The following PVT1 variants were observed in gnomAD, a reference collection of about 807,000 sequenced individuals.
PVT1 encodes the protein CXCR4/PVT1 fusion.
intron 4 of PVT1, among the ~76,000 whole-genome samples, chr8:128,021,311 T>TTTTTTTTTTTTTTTTTTTTG (rs1817432063): frequency 6.7e-6 from 1 of 148,244 alleles, no homozygotes; most frequent in African/African-American, 2.5e-5. Context: ...TTTTTTTTTT[T>TTTTTTTTTTTTTTTTTTTTG]GAGACGGAGT....
At chr8:128,048,638 C>T (rs1326105470) in intron 4 of PVT1, 2 of 152,308 alleles carry the variant, frequency 1.3e-5, no homozygotes, top group Non-Finnish European at 2.9e-5. Flanking sequence ...GGTTTGGGTC[C>T]TCGCTCCAGC....
chr8:128,072,745 A>C (rs1022068382), intron 5 of PVT1, among the ~76,000 whole-genome samples: 3 of 152,210 alleles, frequency 2.0e-5, no homozygotes, highest in Non-Finnish European at 4.4e-5. Context: ...TTTGGGGAAA[A>C]ATAAATCAGG....
chr8:127,986,928 A>C (rs2392884), intron 3 of PVT1, among the ~76,000 whole-genome samples: 127,375 of 152,200 alleles, frequency 0.84, 53,380 homozygotes, highest in South Asian at 0.9. Context: ...TTGCAACCCC[A>C]TCTCCCCAGC....
At chr8:127,882,451 G>A (rs747602433) in intron 2 of PVT1, among the ~76,000 whole-genome samples, 36 of 152,070 alleles carry the variant, frequency 2.4e-4, no homozygotes, top group Non-Finnish European at 4.7e-4. Flanking sequence ...GAAGATAAAG[G>A]AGACATCGTC....
intron 4 of PVT1, among the ~76,000 whole-genome samples, chr8:128,031,313 G>A (rs1813384319): frequency 1.3e-5 from 2 of 152,236 alleles, no homozygotes; most frequent in South Asian, 2.1e-4. Context: ...GCCCAGCCAA[G>A]GGCATTGTAG....
At chr8:127,840,174 G>A (rs1174296360) in intron 2 of PVT1, among the ~76,000 whole-genome samples, 2 of 152,218 alleles carry the variant, frequency 1.3e-5, no homozygotes, top group Non-Finnish European at 2.9e-5. Flanking sequence ...GGAAGGAGCA[G>A]GAAGCCAGTG....
intron 3 of PVT1, among the ~76,000 whole-genome samples, chr8:127,916,036 A>G (rs1030632883): frequency 2.6e-5 from 4 of 152,224 alleles, no homozygotes; most frequent in African/African-American, 9.6e-5. Context: ...TCCCACTTAC[A>G]GGGGGGCAAA....
At chr8:127,835,747 G>A (rs1814902571) in intron 2 of PVT1, among the ~76,000 whole-genome samples, 2 of 152,168 alleles carry the variant, frequency 1.3e-5, no homozygotes, top group Admixed American at 6.5e-5. Context: ...CAGTGAGTGA[G>A]TTCTCCATCA....
chr8:127,932,212 A>G (rs1160956824), intron 3 of PVT1, among the ~76,000 whole-genome samples: 1 of 152,182 alleles, frequency 6.6e-6, no homozygotes, highest in Non-Finnish European at 1.5e-5. Flanking sequence ...AGGCCCAGCC[A>G]TGGGTATAAG....
At chr8:128,011,222 A>G (rs918476796) in intron 4 of PVT1, among the ~76,000 whole-genome samples, 2 of 152,158 alleles carry the variant, frequency 1.3e-5, no homozygotes, top group Non-Finnish European at 2.9e-5. Context: ...TACTTAGTCA[A>G]TGTCTCAATC....
In PVT1 at chr8:127,898,212, AAAAG is replaced by A. The variant is rs1316850602; in HGVS notation, n.782+7222_782+7225del. On this transcript the variant is annotated intron_variant and non_coding_transcript_variant, in intron 3 of 10. Transcript: ENST00000651587. The surrounding 1 kb of genome is among the most constrained non-coding windows in gnomAD (Gnocchi z 4.4). Reference sequence around the variant, plus strand: ...TTGTACCTGCGTGAAGAAAGAAGAGAAAAGAAAGAAAAGAAAGAAAGAAAGAAAG... The same window carrying A: ...TTGTACCTGCGTGAAGAAAGAAGAGAAAAGAAAAGAAAGAAAGAAAGAAAG... 6.6e-5 allele frequency among the ~76,000 whole-genome samples: 10 copies of A among 151,364 alleles called. No individual in the cohort carries two copies. Among genetic ancestry groups the A allele is most frequent in the African/African-American group, 1.5e-4 (6 of 40,800 alleles).
intron 5 of PVT1, among the ~76,000 whole-genome samples, chr8:128,092,941 G>C (rs566346439): frequency 3.3e-5 from 5 of 152,006 alleles, no homozygotes; most frequent in African/African-American, 1.2e-4. Flanking sequence ...TTCTTGCTGC[G>C]CACGGTGCCC....
intron 3 of PVT1, among the ~76,000 whole-genome samples, chr8:127,952,770 A>T (rs1280657126): frequency 5.4e-5 from 8 of 148,656 alleles, no homozygotes; most frequent in Non-Finnish European, 3.0e-5. Context: ...TTGTGCCTGC[A>T]TTTTTTTTTT....
chr8:127,933,905 T>C (rs1365964308), intron 3 of PVT1, among the ~76,000 whole-genome samples: 1 of 152,228 alleles, frequency 6.6e-6, no homozygotes, highest in Non-Finnish European at 1.5e-5. Context: ...TTTGAGCCTC[T>C]AAAGTGAGAC....
intron 3 of PVT1, among the ~76,000 whole-genome samples, chr8:127,918,397 G>A (rs1057033123): frequency 1.2e-4 from 18 of 152,166 alleles, no homozygotes; most frequent in African/African-American, 4.3e-4. Flanking sequence ...GGTGAATGGA[G>A]GGCATCCTTT....
intron 2 of PVT1, among the ~76,000 whole-genome samples, chr8:127,829,576 A>G (rs1586397183): frequency 6.6e-6 from 1 of 152,142 alleles, no homozygotes; most frequent in African/African-American, 2.4e-5. Context: ...GCCCAATGTA[A>G]AGAAAGCGCT....
chr8:127,874,993 C>T (rs949776142), intron 2 of PVT1, among the ~76,000 whole-genome samples: 1 of 152,042 alleles, frequency 6.6e-6, no homozygotes, highest in Non-Finnish European at 1.5e-5. Context: ...TGCCCTTTCA[C>T]CATGCGTGCT....
intron 3 of PVT1, among the ~76,000 whole-genome samples, chr8:127,900,904 G>A (rs73707112): frequency 0.015 from 2,271 of 152,288 alleles, 63 homozygotes; most frequent in African/African-American, 0.052. Flanking sequence ...CAGTCAGCAT[G>A]CCCCACACCA....
At position 127,995,848 on chromosome 8, in the gene PVT1, G is replaced by A. The variant is rs1222153116; in HGVS notation, n.912+6557G>A. Among the ~76,000 whole-genome samples, 6 of 152,128 alleles carry A rather than the reference G, an allele frequency of 3.9e-5. No individual in the cohort carries two copies. The South Asian group carries it at 8.3e-4, about 21-fold the overall frequency. On this transcript the variant is annotated intron_variant and non_coding_transcript_variant, in intron 4 of 10. Transcript: ENST00000651587. Reference sequence around the variant, plus strand: ...TTTGCAAATGAAGGAATCTTCCTGCGGAACGTATGTGAAGCGCATATTGGT... The same window carrying A: ...TTTGCAAATGAAGGAATCTTCCTGCAGAACGTATGTGAAGCGCATATTGGT...
Sources: gnomAD v4.1 joint callset for allele counts (sites outside exome capture counted in the v4.1 genomes callset) on GRCh38, gnomAD v4.1.1 for gene constraint, Gnocchi (gnomAD v3.1) non-coding constraint, MANE v1.5 for transcripts, NCBI Gene and HGNC (gene_info 2026-07-23, HGNC 2026-07-21) for gene names.